Variants in USP36 observed in about 807,000 individuals in gnomAD.
USP36 encodes the protein ubiquitin carboxyl-terminal hydrolase 36.
USP36 carries 59 observed loss-of-function variants against 111.5 expected under a neutral mutation model. The observed-to-expected ratio is 0.53, with a 90% CI of 0.43 to 0.66. USP36 has a LOEUF of 0.66. Among genes scored for constraint, USP36 ranks in the 30% least tolerant of loss-of-function variants. The pLI is 0.00. For synonymous variants in USP36, 628 were observed against 581.0 expected (o/e 1.08, Z -1.16); for missense variants, 1,488 against 1,468.0 (o/e 1.01, Z -0.22).
At chr17:78,835,647 G>A (rs1000069740) in intron 3 of USP36, 146 bp from the exon 4 acceptor site, 19 of 868,078 alleles carry the variant, frequency 2.2e-5, no homozygotes, top group Non-Finnish European at 3.0e-5. Flanking sequence ...CTGGTTTACA[G>A]GACATTCCTG....
In USP36 at chr17:78,807,036, G is replaced by T. The variant is rs1303517019; in HGVS notation, c.2008C>A (p.Leu670Met). ...GCAGGCTCAGTGGTGGTGTTGCTCA[G>T]GACAGGGGACTTCAGCTTCACCGTC... ...SKTVKLKSPV[L>M]SNTTTEPAST... Residue 670 changes from leucine (L) to methionine (M), a missense_variant, in exon 14 of 21, where the codon CTG becomes ATG. Around this residue, in one of 3 missense-constraint regions of USP36, gnomAD observed 1,073 missense variants for 994.1 expected, o/e 1.08. Coordinates refer to ENST00000449938, the MANE Select transcript of USP36 (RefSeq NM_001385174.1). The T allele has an allele frequency of 1.2e-6, 2 of 1,614,246 alleles. No individual in the cohort carries two copies. Among genetic ancestry groups the T allele is most frequent in the Non-Finnish European group, 1.7e-6 (2 of 1,180,042 alleles).
intron 13 of USP36, 142 bp downstream of exon 13, chr17:78,812,718 A>AT: frequency 1.4e-6 from 1 of 739,188 alleles, no homozygotes; most frequent in Non-Finnish European, 1.9e-6. Flanking sequence ...AAAAAAAAAA[A>AT]GAAAAGAAAA....
intron 13 of USP36, among the ~76,000 whole-genome samples, chr17:78,808,897 C>A (rs911329748): frequency 6.6e-6 from 1 of 152,012 alleles, no homozygotes; most frequent in African/African-American, 2.4e-5. Context: ...CTTAGTACTC[C>A]ATGCTAATTT....
At chr17:78,840,369 G>A in intron 1 of USP36, 1 of 152,526 alleles carries the variant, frequency 6.6e-6, no homozygotes, top group Non-Finnish European at 1.5e-5. Flanking sequence ...GCGGCCGCAC[G>A]CGACGCCCTC....
At chr17:78,805,426 A>G (rs2093871672) in intron 15 of USP36, among the ~76,000 whole-genome samples, 1 of 152,184 alleles carries the variant, frequency 6.6e-6, no homozygotes, top group African/African-American at 2.4e-5. Context: ...ACGCACAGTC[A>G]TACCTCGCCC....
intron 10 of USP36, among the ~76,000 whole-genome samples, chr17:78,816,518 TG>T (rs2094193367): frequency 6.6e-6 from 1 of 151,730 alleles, no homozygotes; most frequent in Non-Finnish European, 1.5e-5. Flanking sequence ...CCCAGCTACT[TG>T]GGAGGCTGAG....
At chr17:78,836,913 G>A (rs1447365863) in intron 2 of USP36, among the ~76,000 whole-genome samples, 2 of 152,120 alleles carry the variant, frequency 1.3e-5, no homozygotes, top group Non-Finnish European at 2.9e-5. Context: ...TCTTCAATAT[G>A]AAGGCCACAG....
chr17:78,823,087 C>T (rs889267004), intron 6 of USP36: 19 of 398,794 alleles, frequency 4.8e-5, no homozygotes, highest in Non-Finnish European at 5.3e-5. Flanking sequence ...ACCTCAGTCT[C>T]TCATCTGGCC....
chr17:78,835,409 G>A lies in USP36; in HGVS notation c.346C>T (p.Arg116Trp), dbSNP rs769913674. Residue 116 changes from arginine (R) to tryptophan (W), a missense_variant, in exon 4 of 21, where the codon CGG (arginine) becomes TGG (tryptophan). By Grantham distance (101) the Arg-to-Trp change is moderately radical. Around this residue, in one of 3 missense-constraint regions of USP36, gnomAD observed 219 missense variants for 209.5 expected, o/e 1.05. Coordinates refer to ENST00000449938, the MANE Select transcript of USP36 (RefSeq NM_001385174.1). ...PTERLSLRWE[R>W]VFRVGAGLHN... ...AGTCCTGCGCCCACGCGGAAGACCCGCTCCCACCTCAGAGACAGTCGCTCC... is the reference window on the plus strand; with the variant it reads ...AGTCCTGCGCCCACGCGGAAGACCCACTCCCACCTCAGAGACAGTCGCTCC... 19 of 1,614,122 alleles carry A rather than the reference G, an allele frequency of 1.2e-5. No homozygotes were observed. Among genetic ancestry groups the A allele is most frequent in the South Asian group, 1.1e-4 (10 of 91,090 alleles).
Position 78,799,725 on chromosome 17 carries a change from C to T in USP36, c.3066G>A (p.Glu1022=). The T allele has an allele frequency of 6.2e-7, 1 of 1,612,772 alleles. No homozygotes were observed. The highest frequency in any genetic ancestry group is 2.2e-5 in the East Asian group (1 of 44,676). Reference sequence around the variant, plus strand: ...TGAGCAGTTCCTGGACCACATCAGACTCCCGCTCTCCATTCCAAGACACAG... The same window carrying T: ...TGAGCAGTTCCTGGACCACATCAGATTCCCGCTCTCCATTCCAAGACACAG... The part of the protein sequence containing the change: ...APPVSWNGER[E]SDVVQELLKY... Residue 1022 remains glutamate (E), a synonymous_variant, in exon 18 of 21, where the codon GAG becomes GAA. Coordinates refer to ENST00000449938, the MANE Select transcript of USP36 (RefSeq NM_001385174.1).
Position 78,807,336 on chromosome 17 carries a change from C to T in USP36, c.1708G>A (p.Gly570Ser), listed in dbSNP as rs2093934131. 1 of 1,614,226 alleles carries T rather than the reference C, an allele frequency of 6.2e-7. No homozygotes were observed. Among genetic ancestry groups the T allele is most frequent in the East Asian group, 2.2e-5 (1 of 44,882 alleles). The change falls in exon 14 of 21, where the codon GGC (glycine) becomes AGC (serine). Residue 570 changes from glycine to serine, a missense_variant. Coordinates refer to ENST00000449938, the MANE Select transcript of USP36 (RefSeq NM_001385174.1). Reference protein sequence around the residue: ...NSSRSGSQRQGSWDSRDVVLS... With the variant: ...NSSRSGSQRQSSWDSRDVVLS... ...ACAACATCCCTGCTGTCCCAGGAGC[C>T]CTGCCTTTGGCTCCCAGATCTGCTG... is the stretch of plus-strand genomic sequence containing the variant.
intron 1 of USP36, 162 bp from the exon 2 acceptor site, chr17:78,838,912 T>C (rs923817366): frequency 6.6e-6 from 1 of 152,126 alleles, no homozygotes; most frequent in Non-Finnish European, 1.5e-5. Context: ...TGGACCGTAC[T>C]ACCTCATCAC....
At chr17:78,819,524 C>T (rs1288272016) in intron 9 of USP36, among the ~76,000 whole-genome samples, 1 of 152,232 alleles carries the variant, frequency 6.6e-6, no homozygotes, top group African/African-American at 2.4e-5. Context: ...GGCAAGAGAG[C>T]AGCTGGTTGG....
At chr17:78,821,387 A>AATATATATATATATATATAT (rs1174218979) in intron 7 of USP36, 5 of 54,780 alleles carry the variant, frequency 9.1e-5, no homozygotes, top group Non-Finnish European at 1.3e-4. Context: ...TCCTAATGAG[A>AATATATATATATATATATAT]ATATATATAT....
At chr17:78,835,914 C>T in intron 3 of USP36, 197 bp downstream of exon 3, 3 of 772,348 alleles carry the variant, frequency 3.9e-6, no homozygotes, top group Non-Finnish European at 6.1e-6. Context: ...GTACACAGAT[C>T]CACCAAGCAC....
chr17:78,799,662 A>C lies in USP36; in HGVS notation c.3124+5T>G. 1.2e-6 allele frequency: 2 copies of C among 1,611,780 alleles called. No homozygotes were observed. The highest frequency in any genetic ancestry group is 1.7e-6 in the Non-Finnish European group (2 of 1,179,160). ...CAAACAGAAGTCCTGTCTCCAAATC[A>C]GTACCTTTTCTCCCGTAAGCTTTAT... On this transcript the variant is annotated splice_donor_5th_base_variant and intron_variant, in intron 18 of 20. Coordinates refer to ENST00000449938, the MANE Select transcript of USP36 (RefSeq NM_001385174.1).
At chr17:78,835,209 TG>T in intron 4 of USP36, 70 bp downstream of exon 4, 3 of 1,488,582 alleles carry the variant, frequency 2.0e-6, no homozygotes, top group Non-Finnish European at 2.8e-6. Flanking sequence ...AGAGCAGCAG[TG>T]CCACAAGTGC....
chr17:78,823,330 CA>C, intron 6 of USP36: 1 of 396,478 alleles, frequency 2.5e-6, no homozygotes, highest in Non-Finnish European at 4.4e-6. Context: ...TGGCGGCTAC[CA>C]AAATCCAGAC....
chr17:78,788,423 A>G (rs2093553986), intron 3 of USP36, among the ~76,000 whole-genome samples: 2 of 152,232 alleles, frequency 1.3e-5, no homozygotes, highest in African/African-American at 4.8e-5. Flanking sequence ...TCGGCCTCCC[A>G]AAGTGCTGGG....
Sources: allele counts gnomAD v4.1 joint callset (sites outside exome capture counted in the v4.1 genomes callset), GRCh38; gene constraint gnomAD v4.1.1; regional missense constraint gnomAD v4.1.1; transcripts MANE v1.5; gene names NCBI Gene and HGNC (gene_info 2026-07-23, HGNC 2026-07-21).